The following KLHL12 variants were observed in gnomAD, a reference collection of about 807,000 sequenced individuals.
The protein encoded by KLHL12 is kelch-like protein 12.
KLHL12 carries 17 observed loss-of-function variants against 60.8 expected under a neutral mutation model. The ratio of observed to expected loss-of-function variants is 0.28; its 90% CI spans 0.19 to 0.42. The LOEUF is 0.42. Among genes scored for constraint, KLHL12 ranks in the 10% least tolerant of loss-of-function variants. KLHL12 has a pLI of 1.00. For synonymous variants in KLHL12, 220 were observed against 250.9 expected (o/e 0.88, Z 1.16); for missense variants, 468 against 722.3 (o/e 0.65, Z 4.04).
At chr1:202,904,974 T>C (rs1660138633) in intron 6 of KLHL12, among the ~76,000 whole-genome samples, 1 of 152,256 alleles carries the variant, frequency 6.6e-6, no homozygotes, top group Admixed American at 6.5e-5. Flanking sequence ...TTCTGCTGTA[T>C]GCAGAAGAGT....
intron 8 of KLHL12, 24 bp from the exon 9 acceptor site, chr1:202,894,773 G>C: frequency 6.3e-7 from 1 of 1,587,788 alleles, no homozygotes; most frequent in South Asian, 1.1e-5. Flanking sequence ...ACAAATTACA[G>C]ACTATTAGAG....
At position 202,909,754 on chromosome 1, in the gene KLHL12, G is replaced by T. The variant is rs1338270789; in HGVS notation, c.718-630C>A. ...GGGATCAGCCCAACCAAAGGTCAAG[G>T]TTTCTCTCAAGGCAGTGACTCTACA... On this transcript the variant is annotated intron_variant, in intron 5 of 11. Coordinates refer to ENST00000367261, the MANE Select transcript of KLHL12 (RefSeq NM_021633.4). The surrounding 1 kb of genome is among the most constrained non-coding windows in gnomAD (Gnocchi z 4.1). 6.6e-6 allele frequency among the ~76,000 whole-genome samples: 1 copy of T among 152,008 alleles called. No individual in the cohort carries two copies. The highest frequency in any genetic ancestry group is 1.5e-5 in the Non-Finnish European group (1 of 67,994).
intron 4 of KLHL12, among the ~76,000 whole-genome samples, chr1:202,911,582 A>T (rs527439123): frequency 4.7e-4 from 72 of 152,174 alleles, no homozygotes; most frequent in African/African-American, 1.7e-3. Flanking sequence ...ACTTTAAGGA[A>T]GGCAGGTGGG....
intron 6 of KLHL12, among the ~76,000 whole-genome samples, chr1:202,901,470 T>C (rs1354788847): frequency 6.6e-6 from 1 of 151,856 alleles, no homozygotes; most frequent in Non-Finnish European, 1.5e-5. Flanking sequence ...TTTTTTTTTT[T>C]TTTTAATTTT....
rs1241250883 is a variant in KLHL12 at position 202,892,186 on chromosome 1, T to C, written c.*347A>G. 5.2e-6 allele frequency: 1 copy of C among 190,614 alleles called. No individual in the cohort carries two copies. The highest frequency in any genetic ancestry group is 1.1e-5 in the Non-Finnish European group (1 of 92,434). 11.8% of individuals were successfully genotyped at this position (190,614 alleles called of 1,614,324 possible). A position where few individuals can be genotyped will look rare whatever the true frequency, so the allele number is the denominator to read the frequency against. On this transcript the variant is annotated 3_prime_UTR_variant, in exon 12 of 12. Coordinates refer to ENST00000367261, the MANE Select transcript of KLHL12 (RefSeq NM_021633.4). ...CATATCTAGTAGGCTATACTCACCT[T>C]AGTTCTTTGCAACATATGAGGCACA... is the stretch of plus-strand genomic sequence containing the variant.
intron 6 of KLHL12, among the ~76,000 whole-genome samples, chr1:202,902,524 A>G (rs1412594909): frequency 6.6e-6 from 1 of 152,160 alleles, no homozygotes; most frequent in Non-Finnish European, 1.5e-5. Flanking sequence ...AAATATATGA[A>G]TAACTCTTTT....
intron 3 of KLHL12, 24 bp downstream of exon 3, chr1:202,919,731 A>G: frequency 6.3e-7 from 1 of 1,582,378 alleles, no homozygotes; most frequent in South Asian, 1.2e-5. Flanking sequence ...TGACATAAAC[A>G]ATAGCAAGTT....
rs1557987830 is a variant in KLHL12, at chr1:202,899,838, AAAT to A, written c.833-2881_833-2879del. ...ACTCCATCTCAAAAAAAAAAAAAAA[AAAT>A]AATAATAATAAATAAAAAAATCAAA... On this transcript the variant is annotated intron_variant, in intron 6 of 11. Coordinates refer to ENST00000367261, the MANE Select transcript of KLHL12 (RefSeq NM_021633.4). 2.6e-3 allele frequency among the ~76,000 whole-genome samples: 382 copies of A among 147,748 alleles called. 5 individuals are homozygous for A. The highest frequency in any genetic ancestry group is 3.5e-3 in the Middle Eastern group (1 of 288).
At chr1:202,903,406 T>G (rs183424384) in intron 6 of KLHL12, among the ~76,000 whole-genome samples, 2 of 143,390 alleles carry the variant, frequency 1.4e-5, no homozygotes, top group African/African-American at 5.2e-5. Flanking sequence ...CAGCTTTACT[T>G]GCCCTTCTGC....
At position 202,925,213 on chromosome 1, in the gene KLHL12, A is replaced by T; in HGVS notation, c.-45-6T>A. ...TGGGTCCTTGGATTCTGCAACTACA[A>T]GAGGGAAAAAAAAACAATGAGCATA... On this transcript the variant is annotated splice_polypyrimidine_tract_variant and splice_region_variant and intron_variant, in intron 1 of 11. Coordinates refer to ENST00000367261, the MANE Select transcript of KLHL12 (RefSeq NM_021633.4). The T allele has an allele frequency of 6.2e-7, 1 of 1,606,082 alleles. No individual in the cohort carries two copies. Among genetic ancestry groups the T allele is most frequent in the Non-Finnish European group, 8.5e-7 (1 of 1,177,018 alleles).
At position 202,899,476 on chromosome 1, in the gene KLHL12, T is replaced by C. The variant is rs372811933; in HGVS notation, c.833-2516A>G. ...GCACTTGTCTTATGTACTTGCCAAA[T>C]AAAGTGGACCCTCTCCAAAGTGAGC... On this transcript the variant is annotated intron_variant, in intron 6 of 11. Transcript: ENST00000367261. 7.2e-5 allele frequency among the ~76,000 whole-genome samples: 11 copies of C among 152,162 alleles called. No individual in the cohort carries two copies. The South Asian group carries it at 2.1e-3, about 29-fold the overall frequency.
intron 10 of KLHL12, 42 bp downstream of exon 10, chr1:202,894,142 G>T: frequency 8.6e-7 from 1 of 1,157,728 alleles, no homozygotes; most frequent in Non-Finnish European, 1.3e-6. Flanking sequence ...GTAAAGGTCT[G>T]ACAGCATCGC....
intron 6 of KLHL12, among the ~76,000 whole-genome samples, chr1:202,900,657 A>T (rs954003356): frequency 6.6e-6 from 1 of 152,210 alleles, no homozygotes; most frequent in African/African-American, 2.4e-5. Flanking sequence ...TGAGGTCAGG[A>T]GTTCAAGGCC....
intron 1 of KLHL12, 99 bp from the exon 2 acceptor site, chr1:202,925,306 C>G: frequency 2.9e-6 from 4 of 1,365,118 alleles, no homozygotes; most frequent in Non-Finnish European, 3.9e-6. Context: ...GAGGCTTCCT[C>G]AGACCCAAAC....
chr1:202,916,485 AAAT>A (rs1368603776), intron 4 of KLHL12, among the ~76,000 whole-genome samples: 1 of 152,224 alleles, frequency 6.6e-6, no homozygotes, highest in Admixed American at 6.5e-5. Context: ...TCTCTGCTAA[AAAT>A]ACAAAAATTA....
intron 6 of KLHL12, among the ~76,000 whole-genome samples, chr1:202,903,648 C>T (rs1476540824): frequency 8.5e-5 from 1 of 11,822 alleles, no homozygotes; most frequent in African/African-American, 1.5e-4. Flanking sequence ...TTTGAAACGG[C>T]GTCTTGCTCT....
At chr1:202,903,629 C>CTTCTTTTTTTTTTTTTTT (rs1660087890) in intron 6 of KLHL12, among the ~76,000 whole-genome samples, 2 of 76,086 alleles carry the variant, frequency 2.6e-5, no homozygotes, top group African/African-American at 9.0e-5. Context: ...TTTTTCTTTT[C>CTTCTTTTTTTTTTTTTTT]TTTTTTTTTT....
chr1:202,897,942 T>C (rs1370321528), intron 6 of KLHL12, among the ~76,000 whole-genome samples: 1 of 152,184 alleles, frequency 6.6e-6, no homozygotes, highest in Non-Finnish European at 1.5e-5. Context: ...TGCCAATTCA[T>C]CAAAACCACC....
At chr1:202,908,887 G>A (rs983827241) in intron 6 of KLHL12, 123 bp downstream of exon 6, 1 of 624,844 alleles carries the variant, frequency 1.6e-6, no homozygotes, top group Admixed American at 2.9e-5. Context: ...TGTCTGAGAT[G>A]ATAGAAGAAA....
Sources: gnomAD v4.1 joint callset for allele counts (sites outside exome capture counted in the v4.1 genomes callset) on GRCh38, gnomAD v4.1.1 for gene constraint, Gnocchi (gnomAD v3.1) non-coding constraint, MANE v1.5 for transcripts, NCBI Gene and HGNC (gene_info 2026-07-23, HGNC 2026-07-21) for gene names.